Variants in CLUH observed in about 807,000 individuals in gnomAD.
The protein encoded by CLUH is clustered mitochondria protein homolog.
Under a neutral mutation model 139.3 loss-of-function variants are expected in CLUH, and 77 were observed. That is an observed-to-expected ratio of 0.55 (90% CI 0.46 to 0.67). CLUH has a LOEUF of 0.67. Ranked by LOEUF, CLUH falls within the 30% of genes least tolerant of loss-of-function variation. The pLI, the probability that CLUH is intolerant of heterozygous loss-of-function variation, is 0.00. For synonymous variants in CLUH, 999 were observed against 801.6 expected, an observed-to-expected ratio of 1.25 and a Z score of -4.16; for missense variants, 1,876 against 1,875.8, an observed-to-expected ratio of 1.00 and a Z score of 0.00.
Position 2,691,976 on chromosome 17 carries a change from CCGCCCCCGCCACGCCCCCGCCGCGCACCT to C in CLUH, c.3653_3654+27del. On this transcript the variant is annotated splice_donor_variant and splice_donor_5th_base_variant and coding_sequence_variant and intron_variant, in exon 23 of 26. Transcript: ENST00000651024. LOFTEE classifies it high-confidence loss of function. The stretch of plus-strand genomic sequence containing the variant: ...GCCCCGCCACGCCCCCGCCCCGCCC[CCGCCCCCGCCACGCCCCCGCCGCGCACCT>C]GCGTCTTGTAGATGGTGTAACCCTC... The C allele has an allele frequency of 1.8e-6, 1 of 547,906 alleles. No homozygotes were observed. Among genetic ancestry groups the C allele is most frequent in the Non-Finnish European group, 2.2e-6 (1 of 461,246 alleles). 33.9% of individuals were successfully genotyped at this position (547,906 alleles called of 1,614,324 possible).
Position 2,694,124 on chromosome 17 carries a change from C to T in CLUH, c.3090G>A (p.Gln1030=), listed in dbSNP as rs754996649. 6.2e-7 allele frequency: 1 copy of T among 1,613,874 alleles called. No individual in the cohort carries two copies. The highest frequency in any genetic ancestry group is 1.1e-5 in the South Asian group (1 of 91,080). The change falls in exon 18 of 26, where the codon CAG becomes CAA. Residue 1030 remains glutamine, a splice_region_variant and synonymous_variant. Coordinates refer to ENST00000651024, the MANE Select transcript of CLUH (RefSeq NM_001366661.1). ...ACCCAGCCCCACCTGGCCACACACC[C>T]TGCTGCACTTTGGCCTGCCCGCTCT... ...FFQSGQAKVQ[Q]GFLKEGCELI...
At chr17:2,700,551 C>T in intron 8 of CLUH, 77 bp from the exon 9 acceptor site, 4 of 1,555,664 alleles carry the variant, frequency 2.6e-6, no homozygotes, top group East Asian at 2.3e-5. Flanking sequence ...CTCCTTCTAC[C>T]TTCCTGAGAA....
At chr17:2,696,035 C>A in intron 13 of CLUH, 124 bp downstream of exon 13, 1 of 770,520 alleles carries the variant, frequency 1.3e-6, no homozygotes, top group Non-Finnish European at 2.1e-6. Context: ...CGGGGATGCC[C>A]ACTCAGGGAA....
At position 2,692,140 on chromosome 17, in the gene CLUH, G is replaced by C. The variant is rs559187909; in HGVS notation, c.3561-43C>G. 129 of 1,544,852 alleles carry C rather than the reference G, an allele frequency of 8.4e-5. 1 individual carries two copies. The South Asian group carries it at 1.3e-3, about 16-fold the overall frequency. ...GCGGGGCGAGGGAAGGGCATAAGTG[G>C]GCTGGGTGTGGGGGCCTGACTCGGG... On this transcript the variant is annotated intron_variant, in intron 22 of 25. Coordinates refer to ENST00000651024, the MANE Select transcript of CLUH (RefSeq NM_001366661.1).
chr17:2,708,800 G>T (rs900392877), intron 1 of CLUH, among the ~76,000 whole-genome samples: 2 of 149,654 alleles, frequency 1.3e-5, no homozygotes, highest in Middle Eastern at 3.5e-3. Context: ...CTCCCGAGGG[G>T]CCCGGCAGCA....
chr17:2,695,688 G>A (rs975196519), intron 13 of CLUH, 162 bp from the exon 14 acceptor site: 55 of 985,648 alleles, frequency 5.6e-5, no homozygotes, highest in Middle Eastern at 6.5e-4. Context: ...TGGCAGGAGC[G>A]CAGGCCAAGA....
rs1337879278 is a variant in CLUH, at chr17:2,706,346, A to T, written c.101-1782T>A. Among the ~76,000 whole-genome samples, 1 of 152,038 alleles carries T rather than the reference A, an allele frequency of 6.6e-6. No individual in the cohort carries two copies. Among genetic ancestry groups the T allele is most frequent in the African/African-American group, 2.4e-5 (1 of 41,366 alleles). Reference sequence around the variant, plus strand: ...GAGTCTCTTCCCCCTTACCCCAAAGAGGGGTATTTGAAGCCCAGAAAGGCT... The same window carrying T: ...GAGTCTCTTCCCCCTTACCCCAAAGTGGGGTATTTGAAGCCCAGAAAGGCT... On this transcript the variant is annotated intron_variant, in intron 1 of 25. Coordinates refer to ENST00000651024, the MANE Select transcript of CLUH (RefSeq NM_001366661.1). The surrounding 1 kb of genome is among the most constrained non-coding windows in gnomAD (Gnocchi z 4.6).
At chr17:2,700,619 C>T in intron 8 of CLUH, 59 bp downstream of exon 8, 2 of 1,519,486 alleles carry the variant, frequency 1.3e-6, no homozygotes, top group Admixed American at 2.1e-5. Flanking sequence ...TGCACGGAAC[C>T]AGCCCAGCAC....
In CLUH at chr17:2,696,043, G is replaced by C. The variant is rs548726214; in HGVS notation, c.2391+116C>G. 5.5e-5 allele frequency: 46 copies of C among 840,874 alleles called. No individual in the cohort carries two copies. In the African/African-American group the frequency reaches 7.6e-4, roughly 14 times the overall value. 52.1% of individuals were successfully genotyped at this position (840,874 alleles called of 1,614,324 possible). A position where few individuals can be genotyped will look rare whatever the true frequency, so the allele number is the denominator to read the frequency against. Reference sequence around the variant, plus strand: ...TGTCAAACGGGGATGCCCACTCAGGGAAAGCTGAAAAAGTCACTCCTGCGA... The same window carrying C: ...TGTCAAACGGGGATGCCCACTCAGGCAAAGCTGAAAAAGTCACTCCTGCGA... On this transcript the variant is annotated intron_variant, in intron 13 of 25. Coordinates refer to ENST00000651024, the MANE Select transcript of CLUH (RefSeq NM_001366661.1).
At position 2,698,189 on chromosome 17, in the gene CLUH, C is replaced by T. The variant is rs756144439; in HGVS notation, c.1668G>A (p.Leu556=). The stretch of plus-strand genomic sequence containing the variant: ...GCCGACTCGTGCGCTCCAGCAGCTC[C>T]AGGTACCGCGGGTGTGACACCACGG... The part of the protein sequence containing the change: ...GKTVVSHPRY[L]ELLERTSRPL... The change falls in exon 10 of 26, where the codon CTG becomes CTA. Residue 556 remains leucine, a synonymous_variant. Coordinates refer to ENST00000651024, the MANE Select transcript of CLUH (RefSeq NM_001366661.1). 1.3e-6 allele frequency: 2 copies of T among 1,576,212 alleles called. No homozygotes were observed. The highest frequency in any genetic ancestry group is 2.7e-5 in the African/African-American group (2 of 73,982).
chr17:2,698,765 C>T (rs1258177051), intron 9 of CLUH, among the ~76,000 whole-genome samples, 175 bp from the exon 10 acceptor site: 2 of 152,096 alleles, frequency 1.3e-5, no homozygotes, highest in Non-Finnish European at 2.9e-5. Context: ...ATGTTTTGGC[C>T]GGGCGCGGTG....
chr17:2,696,221 C>T lies in CLUH; in HGVS notation c.2329G>A (p.Asp777Asn), dbSNP rs758857015. The T allele has an allele frequency of 2.5e-6, 4 of 1,576,882 alleles. No homozygotes were observed. Among genetic ancestry groups the T allele is most frequent in the Non-Finnish European group, 2.6e-6 (3 of 1,161,946 alleles). ...FPESCQDEVR[D>N]QKQLLKDAAA... ...GCGTCCTTCAGCAGCTGCTTCTGGT[C>T]CCGAACTTCATCCTGGCAGGACTCA... The change falls in exon 13 of 26, where the codon GAC (aspartate) becomes AAC (asparagine). Residue 777 changes from aspartate to asparagine, a missense_variant. By Grantham distance (23) the Asp-to-Asn change is conservative (BLOSUM62 1). Coordinates refer to ENST00000651024, the MANE Select transcript of CLUH (RefSeq NM_001366661.1).
intron 13 of CLUH, 64 bp from the exon 14 acceptor site, chr17:2,695,590 T>TG: frequency 4.7e-6 from 7 of 1,497,284 alleles, no homozygotes; most frequent in Non-Finnish European, 6.2e-6. Flanking sequence ...TGAGTCCTTC[T>TG]GGGGGAGCAC....
chr17:2,694,830 A>ACCCC, intron 16 of CLUH, 27 bp downstream of exon 16: 1 of 734,660 alleles, frequency 1.4e-6, no homozygotes, highest in Non-Finnish European at 2.0e-6. Context: ...AATCCCACCC[A>ACCCC]CCCCACCGCC....
intron 1 of CLUH, among the ~76,000 whole-genome samples, 184 bp downstream of exon 1, chr17:2,711,378 C>A (rs2070517509): frequency 6.6e-6 from 1 of 152,122 alleles, no homozygotes; most frequent in African/African-American, 2.4e-5. Context: ...GTGCGAAACC[C>A]GGGCCGCAGC....
rs574404930 is a variant in CLUH, at chr17:2,694,145, G to A, written c.3069C>T (p.Ser1023=). The A allele has an allele frequency of 3.7e-6, 6 of 1,613,458 alleles. No homozygotes were observed. The highest frequency in any genetic ancestry group is 2.7e-5 in the African/African-American group (2 of 75,022). The change falls in exon 18 of 26, where the codon AGC becomes AGT. Residue 1023 remains serine (S), a synonymous_variant. Coordinates refer to ENST00000651024, the MANE Select transcript of CLUH (RefSeq NM_001366661.1). ...KASDAFHFFQ[S]GQAKVQQGFL... ...CACCCTGCTGCACTTTGGCCTGCCC[G>A]CTCTGGAAGAAATGGAAGGCATCCG...
At chr17:2,690,951 G>A (rs2069601470) in intron 25 of CLUH, among the ~76,000 whole-genome samples, 174 bp from the exon 26 acceptor site, 1 of 152,138 alleles carries the variant, frequency 6.6e-6, no homozygotes, top group South Asian at 2.1e-4. Flanking sequence ...GAGAAGGTAA[G>A]GACCCCGCAC....
At position 2,708,689 on chromosome 17, in the gene CLUH, C is replaced by T. The variant is rs530935630; in HGVS notation, c.100+2873G>A. On this transcript the variant is annotated intron_variant, in intron 1 of 25. Coordinates refer to ENST00000651024, the MANE Select transcript of CLUH (RefSeq NM_001366661.1). Reference sequence around the variant, plus strand: ...TGGCTTTTGAGTCACTCCCACTGAGCGCGGGCTACCCACCCGCTCCCACCG... The same window carrying T: ...TGGCTTTTGAGTCACTCCCACTGAGTGCGGGCTACCCACCCGCTCCCACCG... 4.9e-3 allele frequency among the ~76,000 whole-genome samples: 752 copies of T among 152,166 alleles called. 4 individuals are homozygous for T. Among genetic ancestry groups the T allele is most frequent in the Non-Finnish European group, 6.7e-3 (453 of 67,980 alleles).
intron 25 of CLUH, 43 bp downstream of exon 25, chr17:2,691,566 A>G: frequency 6.3e-7 from 1 of 1,588,932 alleles, no homozygotes; most frequent in Non-Finnish European, 8.6e-7. Context: ...GACTCACAAA[A>G]AACCCCCAAC....
Sources: gnomAD v4.1 joint callset for allele counts (sites outside exome capture counted in the v4.1 genomes callset) on GRCh38, gnomAD v4.1.1 for gene constraint, Gnocchi (gnomAD v3.1) non-coding constraint, MANE v1.5 for transcripts, NCBI Gene and HGNC (gene_info 2026-07-23, HGNC 2026-07-21) for gene names.